PLCZ1: variants seen among roughly 807,000 people sequenced by gnomAD.
PLCZ1 encodes the protein 1-phosphatidylinositol 4,5-bisphosphate phosphodiesterase zeta-1.
PLCZ1 carries 64 observed loss-of-function variants against 76.8 expected under a neutral mutation model. That is an observed-to-expected ratio of 0.83 (90% confidence interval 0.68 to 1.03). The LOEUF (loss-of-function observed/expected upper bound fraction) is 1.03. Among genes scored for constraint, PLCZ1 ranks in the 50% least tolerant of loss-of-function variants. PLCZ1 has a pLI of 0.00. For synonymous variants in PLCZ1, 248 were observed against 230.8 expected, an observed-to-expected ratio of 1.07 and a Z score of -0.68; for missense variants, 751 against 713.7, an observed-to-expected ratio of 1.05 and a Z score of -0.60.
At chr12:18,662,299 C>A in the PLCZ1 span, among the ~76,000 whole-genome samples, 3 of 108,032 alleles carry the variant, frequency 2.8e-5, no homozygotes, top group Non-Finnish European at 6.7e-5. Context: ...TGAACATGTA[C>A]CTCTAAACAT....
rs377251029 is a variant in PLCZ1 at position 18,727,163 on chromosome 12, G to T, written c.136-3621C>A. The stretch of plus-strand genomic sequence containing the variant: ...GTTCGAGATCACCCTGGGCAACATA[G>T]TGAGACCCTGTCTCTAAATGTAAAA... On this transcript the variant is annotated intron_variant, in intron 3 of 14. Coordinates refer to ENST00000266505, the MANE Select transcript of PLCZ1 (RefSeq NM_033123.4). Among the ~76,000 whole-genome samples, 157 of 151,922 alleles carry T rather than the reference G, an allele frequency of 1.0e-3. 2 individuals are homozygous for T. The South Asian group carries it at 0.032, about 31-fold the overall frequency.
the PLCZ1 span, among the ~76,000 whole-genome samples, chr12:18,651,197 C>T: frequency 6.6e-6 from 1 of 152,010 alleles, no homozygotes; most frequent in Non-Finnish European, 1.5e-5. Context: ...TCCCTGGGAT[C>T]TTTGATCAGC....
the PLCZ1 span, among the ~76,000 whole-genome samples, chr12:18,653,367 A>T: frequency 1.3e-5 from 2 of 152,198 alleles, no homozygotes; most frequent in Non-Finnish European, 2.9e-5. Flanking sequence ...CAAATGTTAC[A>T]AATTTATGTA....
chr12:18,664,707 C>T, the PLCZ1 span, among the ~76,000 whole-genome samples: 115 of 151,664 alleles, frequency 7.6e-4, no homozygotes, highest in Middle Eastern at 6.8e-3. Context: ...CACATGCACA[C>T]GTATGTTTAT....
chr12:18,725,042 A>G (rs1258969715), intron 3 of PLCZ1, among the ~76,000 whole-genome samples: 1 of 152,180 alleles, frequency 6.6e-6, no homozygotes, highest in Non-Finnish European at 1.5e-5. Context: ...AATTGGAGAT[A>G]TAAGTCCAAA....
chr12:18,671,476 A>G, the PLCZ1 span, among the ~76,000 whole-genome samples: 2 of 152,074 alleles, frequency 1.3e-5, no homozygotes, highest in African/African-American at 4.8e-5. Flanking sequence ...CCTAAAGAAG[A>G]TCACACATGA....
downstream of PLCZ1, among the ~76,000 whole-genome samples, chr12:18,680,427 C>T (rs1197275224): frequency 6.6e-6 from 1 of 152,038 alleles, no homozygotes; most frequent in East Asian, 1.9e-4. Context: ...GGGAAGCTTC[C>T]TCACACCTCT....
At chr12:18,700,935 C>T (rs1443878509) in intron 9 of PLCZ1, among the ~76,000 whole-genome samples, 4 of 151,878 alleles carry the variant, frequency 2.6e-5, no homozygotes, top group Admixed American at 2.6e-4. Flanking sequence ...TTTTGCACTT[C>T]GCACAAAGCC....
Position 18,698,613 on chromosome 12 carries a change from A to C in PLCZ1, c.1174+1181T>G, listed in dbSNP as rs746766712. Among the ~76,000 whole-genome samples, 91 of 152,252 alleles carry C rather than the reference A, an allele frequency of 6.0e-4. 1 individual carries two copies. The highest frequency in any genetic ancestry group is 1.9e-3 in the African/African-American group (81 of 41,578). Reference sequence around the variant, plus strand: ...GATTTTCCTTCTGTGGTATTTCTACACAAGATGGTAGATTGCATTTTTTTA... The same window carrying C: ...GATTTTCCTTCTGTGGTATTTCTACCCAAGATGGTAGATTGCATTTTTTTA... On this transcript the variant is annotated intron_variant, in intron 10 of 14. Transcript: ENST00000266505.
At position 18,705,240 on chromosome 12, in the gene PLCZ1, A is replaced by G. The variant is rs1476543739; in HGVS notation, c.790T>C (p.Leu264=). The change falls in exon 7 of 15, where the codon TTG becomes CTG. Residue 264 remains leucine (L), a synonymous_variant. Coordinates refer to ENST00000266505, the MANE Select transcript of PLCZ1 (RefSeq NM_033123.4). ...TAQQEVMADN[L]QATFGESLLS... is the part of the protein sequence containing the mutation. ...AAGGACTCTCCAAAAGTAGCCTGCA[A>G]ATTGTCTGCCATTACTTCTTGTTGG... The G allele has an allele frequency of 1.9e-6, 3 of 1,613,956 alleles. No individual in the cohort carries two copies. The African/African-American group carries it at 4.0e-5, about 22-fold the overall frequency.
At chr12:18,661,497 T>G in the PLCZ1 span, among the ~76,000 whole-genome samples, 1 of 152,102 alleles carries the variant, frequency 6.6e-6, no homozygotes, top group Non-Finnish European at 1.5e-5. Context: ...ATGAATCCTG[T>G]ATCTAGCAAA....
chr12:18,735,377 C>T (rs1222918402), intron 3 of PLCZ1, among the ~76,000 whole-genome samples: 2 of 151,976 alleles, frequency 1.3e-5, no homozygotes, highest in East Asian at 3.9e-4. Context: ...GTCATTTGGT[C>T]CTGGGCTTTT....
At chr12:18,713,218 A>T (rs372847495) in intron 5 of PLCZ1, among the ~76,000 whole-genome samples, 25 of 152,002 alleles carry the variant, frequency 1.6e-4, no homozygotes, top group African/African-American at 5.6e-4. Context: ...CGCTAGTCAA[A>T]TGTTTTACTC....
the PLCZ1 span, among the ~76,000 whole-genome samples, chr12:18,653,395 C>T: frequency 6.6e-6 from 1 of 152,142 alleles, no homozygotes; most frequent in East Asian, 1.9e-4. Context: ...TTTCCTAGCA[C>T]AAAATCTTGA....
chr12:18,700,695 G>A (rs982487631), intron 9 of PLCZ1, among the ~76,000 whole-genome samples: 2 of 151,988 alleles, frequency 1.3e-5, no homozygotes, highest in South Asian at 4.1e-4. Context: ...ACTATATCAA[G>A]TCATTTTTTA....
At chr12:18,687,452 CCTA>C in intron 13 of PLCZ1, among the ~76,000 whole-genome samples, 1 of 152,098 alleles carries the variant, frequency 6.6e-6, no homozygotes, top group African/African-American at 2.4e-5. Flanking sequence ...ATCCCAGGAA[CCTA>C]TCCTTTTCTA....
Position 18,684,144 on chromosome 12 carries a change from A to G in PLCZ1, c.1727T>C (p.Leu576Pro). Residue 576 changes from leucine to proline, a missense_variant, in exon 14 of 15, where the codon CTA becomes CCA. Coordinates refer to ENST00000266505, the MANE Select transcript of PLCZ1 (RefSeq NM_033123.4). ...EFLGQYTLPL[L>P]CMNKGYRRIP... ...AGGGACATTACCTTTGTTCATGCAT[A>G]GAAGTGGCAAAGTATATTGCCCAAG... 6.2e-7 allele frequency: 1 copy of G among 1,611,846 alleles called. No homozygotes were observed. Among genetic ancestry groups the G allele is most frequent in the East Asian group, 2.2e-5 (1 of 44,722 alleles).
At chr12:18,725,601 T>C (rs548925756) in intron 3 of PLCZ1, among the ~76,000 whole-genome samples, 2 of 152,228 alleles carry the variant, frequency 1.3e-5, no homozygotes, top group East Asian at 1.9e-4. Flanking sequence ...ACCTCCTTTG[T>C]CTTCAAGACA....
chr12:18,719,633 C>T lies in PLCZ1; in HGVS notation c.368-1G>A. On this transcript the variant is annotated splice_acceptor_variant, in intron 4 of 14. Coordinates refer to ENST00000266505, the MANE Select transcript of PLCZ1 (RefSeq NM_033123.4). LOFTEE classifies it high-confidence loss of function. ...AATGACATTTGGTGTGCTTTCCTAACTAAAAAAATAAAATAAAATAAGTTA... is the reference window on the plus strand; with the variant it reads ...AATGACATTTGGTGTGCTTTCCTAATTAAAAAAATAAAATAAAATAAGTTA... 1 of 1,578,132 alleles carries T rather than the reference C, an allele frequency of 6.3e-7. No homozygotes were observed. Among genetic ancestry groups the T allele is most frequent in the Non-Finnish European group, 8.6e-7 (1 of 1,158,750 alleles).
Sources: gnomAD v4.1 joint callset for allele counts (sites outside exome capture counted in the v4.1 genomes callset) on GRCh38, gnomAD v4.1.1 for gene constraint, MANE v1.5 for transcripts, NCBI Gene and HGNC (gene_info 2026-07-23, HGNC 2026-07-21) for gene names.